The following TRPM3 variants were observed in gnomAD, a reference collection of about 807,000 sequenced individuals.
The protein encoded by TRPM3 is transient receptor potential cation channel subfamily M member 3, also known as long transient receptor potential channel 3.
TRPM3 carries 77 observed loss-of-function variants against 181.2 expected under a neutral mutation model. The observed-to-expected ratio is 0.42, with a 90% confidence interval of 0.35 to 0.51. The LOEUF is 0.51. TRPM3 is among the 20% of genes least tolerant of loss of function. TRPM3 has a pLI of 0.01. For synonymous variants in TRPM3, 745 were observed against 796.4 expected (o/e 0.94, Z 1.09); for missense variants, 1,759 against 2,196.7 (o/e 0.80, Z 3.98).
chr9:71,190,471 T>A (rs552112909), intron 1 of TRPM3, among the ~76,000 whole-genome samples: 18 of 152,024 alleles, frequency 1.2e-4, no homozygotes, highest in Middle Eastern at 6.8e-3. Context: ...ACAACAATCT[T>A]TTCCCACATC....
At chr9:71,339,721 A>T (rs563001237) in intron 1 of TRPM3, among the ~76,000 whole-genome samples, 2 of 152,048 alleles carry the variant, frequency 1.3e-5, no homozygotes, top group Non-Finnish European at 2.9e-5. Context: ...CAGATCTGTG[A>T]TTTCTGGAGG....
At chr9:70,958,532 T>A (rs1239793306) in intron 1 of TRPM3, among the ~76,000 whole-genome samples, 3 of 152,118 alleles carry the variant, frequency 2.0e-5, no homozygotes, top group Non-Finnish European at 4.4e-5. Flanking sequence ...TGATGGCCAG[T>A]GATGATGAGC....
chr9:70,911,503 G>A (rs2096537533), intron 1 of TRPM3, among the ~76,000 whole-genome samples: 1 of 152,120 alleles, frequency 6.6e-6, no homozygotes, highest in Non-Finnish European at 1.5e-5. Flanking sequence ...TCGACCACGT[G>A]CTAATGGACT....
chr9:71,181,018 T>C (rs1206059539), intron 1 of TRPM3, among the ~76,000 whole-genome samples: 1 of 152,176 alleles, frequency 6.6e-6, no homozygotes, highest in Non-Finnish European at 1.5e-5. Context: ...TATGATAATA[T>C]AGTCACAAGG....
chr9:71,330,108 T>C lies in TRPM3; in HGVS notation c.183+116545A>G, dbSNP rs189459483. ...TGCCCAGCATAGCACCCCAAAAATG[T>C]ATTCCTTAGGCACAGTCCTGCTGTA... is the stretch of plus-strand genomic sequence containing the variant. On this transcript the variant is annotated intron_variant, in intron 1 of 24. Transcript: ENST00000357533. Among the ~76,000 whole-genome samples, 198 of 151,956 alleles carry C rather than the reference T, an allele frequency of 1.3e-3. 3 individuals are homozygous for C. The highest frequency in any genetic ancestry group is 4.5e-3 in the African/African-American group (188 of 41,436).
chr9:70,618,648 T>C (rs569513620), intron 17 of TRPM3, among the ~76,000 whole-genome samples: 148 of 152,306 alleles, frequency 9.7e-4, no homozygotes, highest in African/African-American at 3.3e-3. Flanking sequence ...GCATCCTCCA[T>C]AGAGATGCTA....
intron 19 of TRPM3, among the ~76,000 whole-genome samples, chr9:70,608,074 T>C (rs1289650213): frequency 6.6e-6 from 1 of 152,216 alleles, no homozygotes; most frequent in Non-Finnish European, 1.5e-5. Flanking sequence ...TCAAACTGTG[T>C]TCAAATAAGG....
At chr9:71,279,034 T>TAAAAAAAAAAAAAAAAAA (rs200421016) in intron 1 of TRPM3, among the ~76,000 whole-genome samples, 8 of 47,574 alleles carry the variant, frequency 1.7e-4, no homozygotes, top group African/African-American at 8.3e-4. Context: ...CCTGCTTAGG[T>TAAAAAAAAAAAAAAAAAA]TAAAAAAAAT....
intron 1 of TRPM3, among the ~76,000 whole-genome samples, chr9:71,251,850 C>T (rs1465544592): frequency 6.6e-6 from 1 of 152,044 alleles, no homozygotes. Context: ...CCTGCCCCCA[C>T]CCTCCCACCA....
rs972342344 is a variant in TRPM3, at chr9:70,534,780, A to G, written c.*1173T>C. 3 of 152,250 alleles carry G rather than the reference A, an allele frequency of 2.0e-5. No individual in the cohort carries two copies. The highest frequency in any genetic ancestry group is 4.4e-5 in the Non-Finnish European group (3 of 68,046). The allele number at this position is 152,250 out of a possible 1,614,324, so 9.4% of individuals were successfully genotyped here. The stretch of plus-strand genomic sequence containing the variant: ...AGATACCAGCCCTTGAAAAACTCCA[A>G]TTAAATTTATGCTGAGCTCAGATTA... On this transcript the variant is annotated 3_prime_UTR_variant, in exon 26 of 26. Coordinates refer to ENST00000677713, the MANE Select transcript of TRPM3 (RefSeq NM_001366145.2).
chr9:71,240,285 A>C (rs2131961388), intron 1 of TRPM3, among the ~76,000 whole-genome samples: 1 of 152,296 alleles, frequency 6.6e-6, no homozygotes, highest in East Asian at 1.9e-4. Flanking sequence ...GGAAATGTTA[A>C]GTTATTGTGA....
chr9:71,376,280 T>A lies in TRPM3; in HGVS notation c.183+70373A>T, dbSNP rs188588750. ...CATTTTTATTTAGGTTTAAAGACTATCAGACAAGATATAACACACATTTAA... is the reference window on the plus strand; with the variant it reads ...CATTTTTATTTAGGTTTAAAGACTAACAGACAAGATATAACACACATTTAA... On this transcript the variant is annotated intron_variant, in intron 1 of 24. Transcript: ENST00000357533. Among the ~76,000 whole-genome samples the A allele has an allele frequency of 9.3e-4, 142 of 152,160 alleles. 1 individual carries two copies. The highest frequency in any genetic ancestry group is 6.0e-3 in the South Asian group (29 of 4,824).
chr9:71,231,991 A>T (rs1395276439), intron 1 of TRPM3, among the ~76,000 whole-genome samples: 1 of 152,210 alleles, frequency 6.6e-6, no homozygotes, highest in Non-Finnish European at 1.5e-5. Context: ...CGTTTATATT[A>T]GTCCCTTTAA....
At chr9:70,602,437 A>G (rs535630881) in intron 20 of TRPM3, among the ~76,000 whole-genome samples, 1 of 152,278 alleles carries the variant, frequency 6.6e-6, no homozygotes, top group African/African-American at 2.4e-5. Context: ...CACCCACTGC[A>G]GTACAGCAAT....
At chr9:71,154,336 A>C (rs1438778941) in intron 1 of TRPM3, among the ~76,000 whole-genome samples, 4 of 152,164 alleles carry the variant, frequency 2.6e-5, no homozygotes, top group Admixed American at 6.6e-5. Flanking sequence ...CCATTCATTA[A>C]TACTAGCTAG....
intron 1 of TRPM3, among the ~76,000 whole-genome samples, chr9:71,221,571 G>A (rs1356459927): frequency 3.3e-5 from 5 of 152,140 alleles, no homozygotes; most frequent in Admixed American, 2.6e-4. Context: ...TATCACGTAT[G>A]TCTTTTGGGA....
intron 1 of TRPM3, among the ~76,000 whole-genome samples, chr9:70,930,722 A>G (rs56226184): frequency 0.14 from 21,096 of 152,074 alleles, 1,595 homozygotes; most frequent in Non-Finnish European, 0.16. Context: ...TTATGATCCA[A>G]ATTCAATTAT....
chr9:70,748,176 T>C (rs1318590498), intron 8 of TRPM3, among the ~76,000 whole-genome samples: 1 of 152,162 alleles, frequency 6.6e-6, no homozygotes, highest in East Asian at 1.9e-4. Context: ...TCAAATGCTA[T>C]AGAAAATTTA....
chr9:71,392,660 A>C (rs1277034491), intron 1 of TRPM3, among the ~76,000 whole-genome samples: 1 of 152,104 alleles, frequency 6.6e-6, no homozygotes, highest in Non-Finnish European at 1.5e-5. Context: ...TCTCAGATTT[A>C]GTAAAACTTT....
Sources: gnomAD v4.1 joint callset for allele counts (sites outside exome capture counted in the v4.1 genomes callset) on GRCh38, gnomAD v4.1.1 for gene constraint, MANE v1.5 for transcripts, NCBI Gene and HGNC (gene_info 2026-07-23, HGNC 2026-07-21) for gene names.